The following MYO9B variants were observed in gnomAD, a reference collection of about 807,000 sequenced individuals.
MYO9B encodes unconventional myosin-IXb.
MYO9B carries 71 observed loss-of-function variants against 229.5 expected under a neutral mutation model. The ratio of observed to expected loss-of-function variants is 0.31; its 90% CI spans 0.26 to 0.38. The LOEUF (loss-of-function observed/expected upper bound fraction) is 0.38, where lower values mean the gene tolerates loss of function less well. MYO9B is among the 10% of genes least tolerant of loss of function. MYO9B has a pLI of 1.00. For synonymous variants in MYO9B, 1,185 were observed against 1,235.8 expected (o/e 0.96, Z 0.86); for missense variants, 2,255 against 2,920.5 (o/e 0.77, Z 5.25).
intron 2 of MYO9B, among the ~76,000 whole-genome samples, chr19:17,134,088 T>TAAA (rs2072236875): frequency 6.6e-6 from 1 of 152,064 alleles, no homozygotes. Context: ...AGTTTTTTTT[T>TAAA]GGACTGGGGG....
At chr19:17,201,356 G>T (rs2145491181) in intron 26 of MYO9B, among the ~76,000 whole-genome samples, 1 of 132,602 alleles carries the variant, frequency 7.5e-6, no homozygotes, top group African/African-American at 2.7e-5. Flanking sequence ...GGGGTGGGGG[G>T]TGGGCAATCC....
At chr19:17,188,543 C>T (rs2072945416) in intron 19 of MYO9B, among the ~76,000 whole-genome samples, 1 of 152,074 alleles carries the variant, frequency 6.6e-6, no homozygotes, top group African/African-American at 2.4e-5. Flanking sequence ...TTCACGCTTT[C>T]CCTTCATAGC....
At chr19:17,191,409 T>C (rs1347099434) in intron 20 of MYO9B, among the ~76,000 whole-genome samples, 190 bp downstream of exon 20, 1 of 152,124 alleles carries the variant, frequency 6.6e-6, no homozygotes, top group Non-Finnish European at 1.5e-5. Flanking sequence ...CCACCTGCTG[T>C]TCTTCAGCAG....
chr19:17,143,228 ACT>A lies in MYO9B; in HGVS notation c.841-2166_841-2165del, dbSNP rs571942930. On this transcript the variant is annotated intron_variant, in intron 2 of 39. Transcript: ENST00000682292. ...TACCCCAGCCTGGCAACAGAACAAG[ACT>A]CTGTTTCAAAAAAAAAACAAACAAA... is the stretch of plus-strand genomic sequence containing the variant. Among the ~76,000 whole-genome samples the A allele has an allele frequency of 1.7e-4, 22 of 129,462 alleles. No individual in the cohort carries two copies. The South Asian group carries it at 4.5e-3, about 26-fold the overall frequency. 84.9% of individuals were successfully genotyped at this position (129,462 alleles called of 152,430 possible). A position where few individuals can be genotyped will look rare whatever the true frequency, so the allele number is the denominator to read the frequency against.
intron 24 of MYO9B, among the ~76,000 whole-genome samples, chr19:17,199,304 G>C (rs79193692): frequency 0.012 from 1,826 of 152,074 alleles, 33 homozygotes; most frequent in African/African-American, 0.041. Flanking sequence ...GATCATGCTC[G>C]TGAGGCCAGG....
chr19:17,208,264 A>T, intron 35 of MYO9B, among the ~76,000 whole-genome samples: 1 of 138,386 alleles, frequency 7.2e-6, no homozygotes. Flanking sequence ...GCTTGAACCC[A>T]GGAGGTGGAG....
intron 2 of MYO9B, among the ~76,000 whole-genome samples, chr19:17,123,833 C>T (rs903665394): frequency 2.0e-5 from 3 of 152,232 alleles, no homozygotes; most frequent in Non-Finnish European, 2.9e-5. Flanking sequence ...GTGGCCATAT[C>T]GTGAACTCTT....
rs753423984 is a variant in MYO9B, at chr19:17,211,904, C to T, written c.6068C>T (p.Ala2023Val). Residue 2023 changes from alanine to valine, a missense_variant, in exon 40 of 40, where the codon GCG becomes GTG. This residue lies in a region of MYO9B where 331 missense variants were observed against 332.5 expected (regional missense o/e 1.00). Transcript: ENST00000682292. ...AGRGASEGPP[A>V]PALPCPGAPT... Reference sequence around the variant, plus strand: ...ATCTGTCTCTCAAAAGGGCCCCCTGCGCCTGCTCTCCCTTGCCCCGGCGCG... The same window carrying T: ...ATCTGTCTCTCAAAAGGGCCCCCTGTGCCTGCTCTCCCTTGCCCCGGCGCG... 11 of 1,580,686 alleles carry T rather than the reference C, an allele frequency of 7.0e-6. No individual in the cohort carries two copies. Among genetic ancestry groups the T allele is most frequent in the Admixed American group, 1.8e-5 (1 of 56,682 alleles).
chr19:17,139,617 A>G (rs2072312432), intron 2 of MYO9B, among the ~76,000 whole-genome samples: 1 of 152,012 alleles, frequency 6.6e-6, no homozygotes, highest in East Asian at 1.9e-4. Context: ...ACGTGCCTGT[A>G]GTCTCAGCTA....
At chr19:17,106,532 AG>A (rs2057794507) in intron 2 of MYO9B, among the ~76,000 whole-genome samples, 1 of 152,248 alleles carries the variant, frequency 6.6e-6, no homozygotes, top group African/African-American at 2.4e-5. Context: ...TGAAACTGCC[AG>A]TGGCCCCAGT....
intron 2 of MYO9B, among the ~76,000 whole-genome samples, chr19:17,129,121 G>A (rs539955248): frequency 6.6e-5 from 10 of 152,206 alleles, no homozygotes; most frequent in Admixed American, 3.3e-4. Context: ...TCAAGGGACC[G>A]GGCATGGTGG....
At position 17,195,146 on chromosome 19, in the gene MYO9B, G is replaced by T; in HGVS notation, c.3719G>T (p.Ser1240Ile). Reference sequence around the variant, plus strand: ...GAAGAAACTGAGAAGACGCTGCCCAGTGGGAGCCCCAGGCCTGGCCAGTTG... The same window carrying T: ...GAAGAAACTGAGAAGACGCTGCCCATTGGGAGCCCCAGGCCTGGCCAGTTG... ...VSEETEKTLP[S>I]GSPRPGQLER... Residue 1240 changes from serine (S) to isoleucine (I), a missense_variant, in exon 22 of 40, where the codon AGT (serine) becomes ATT (isoleucine). Around this residue, in one of 7 missense-constraint regions of MYO9B, gnomAD observed 679 missense variants for 770.2 expected, o/e 0.88. Transcript: ENST00000682292. The surrounding 1 kb of genome is among the most constrained non-coding windows in gnomAD (Gnocchi z 4.5). 3 of 1,611,544 alleles carry T rather than the reference G, an allele frequency of 1.9e-6. No homozygotes were observed. The highest frequency in any genetic ancestry group is 1.1e-5 in the South Asian group (1 of 90,980).
chr19:17,156,675 T>TCACTG (rs1467426364), intron 6 of MYO9B, among the ~76,000 whole-genome samples: 1 of 151,992 alleles, frequency 6.6e-6, no homozygotes, highest in Non-Finnish European at 1.5e-5. Flanking sequence ...TATGATTGTG[T>TCACTG]CACTGCACTC....
At chr19:17,146,341 AATGGGTAGATTCATATAATGAATGGGTGG>A (rs2072411201) in intron 3 of MYO9B, among the ~76,000 whole-genome samples, 1 of 146,302 alleles carries the variant, frequency 6.8e-6, no homozygotes, top group South Asian at 2.3e-4. Context: ...TGAATGAATA[AATGGGTAGATTCATATAATGAATGGGTGG>A]ATGGATAGAT....
At chr19:17,194,009 G>A (rs915699602) in intron 21 of MYO9B, among the ~76,000 whole-genome samples, 4 of 151,984 alleles carry the variant, frequency 2.6e-5, no homozygotes, top group East Asian at 3.9e-4. Flanking sequence ...CCCATCTTAC[G>A]AAAAATACAA....
intron 2 of MYO9B, among the ~76,000 whole-genome samples, chr19:17,126,688 G>T (rs984664994): frequency 6.9e-6 from 1 of 144,908 alleles, no homozygotes; most frequent in Non-Finnish European, 1.5e-5. Flanking sequence ...TTTTTGAGAC[G>T]GAGTCTCGCC....
chr19:17,160,390 G>T (rs561783490), intron 8 of MYO9B, among the ~76,000 whole-genome samples: 1 of 152,068 alleles, frequency 6.6e-6, no homozygotes, highest in East Asian at 1.9e-4. Context: ...GCAAAACGAG[G>T]GGGACACATT....
chr19:17,174,283 G>A (rs930997887), intron 13 of MYO9B, among the ~76,000 whole-genome samples: 1 of 151,614 alleles, frequency 6.6e-6, no homozygotes, highest in Non-Finnish European at 1.5e-5. Context: ...CGTCTGGCTC[G>A]GCCTCCCAGA....
intron 2 of MYO9B, among the ~76,000 whole-genome samples, chr19:17,107,241 T>C (rs889853512): frequency 2.6e-5 from 4 of 151,632 alleles, no homozygotes; most frequent in African/African-American, 9.7e-5. Flanking sequence ...CTCAAAAAAA[T>C]AACAAAAAAA....
Sources: gnomAD v4.1 joint callset for allele counts (sites outside exome capture counted in the v4.1 genomes callset) on GRCh38, gnomAD v4.1.1 for gene constraint, gnomAD v4.1.1 regional missense constraint, Gnocchi (gnomAD v3.1) non-coding constraint, MANE v1.5 for transcripts, NCBI Gene and HGNC (gene_info 2026-07-23, HGNC 2026-07-21) for gene names.